The following AGO4 variants were observed in gnomAD, a reference collection of about 807,000 sequenced individuals.
AGO4 encodes the protein protein argonaute-4.
AGO4 carries 33 observed loss-of-function variants against 104.7 expected under a neutral mutation model. The observed-to-expected ratio is 0.32, with a 90% confidence interval of 0.24 to 0.42. AGO4 has a LOEUF of 0.42. Ranked by LOEUF, AGO4 falls within the 10% of genes least tolerant of loss-of-function variation. AGO4 has a pLI of 1.00. For synonymous variants in AGO4, 331 were observed against 364.7 expected, an observed-to-expected ratio of 0.91 and a Z score of 1.05; for missense variants, 711 against 1,083.4, an observed-to-expected ratio of 0.66 and a Z score of 4.83.
At chr1:35,831,651 G>A in intron 8 of AGO4, 77 bp downstream of exon 8, 2 of 1,547,608 alleles carry the variant, frequency 1.3e-6, no homozygotes, top group Non-Finnish European at 1.7e-6. Context: ...CTAAACTAGT[G>A]GTGAAATTTA....
In AGO4 at chr1:35,808,752, G is replaced by A. The variant is rs760038582; in HGVS notation, c.19+317G>A. Among the ~76,000 whole-genome samples, 1 of 152,198 alleles carries A rather than the reference G, an allele frequency of 6.6e-6. No homozygotes were observed. Among genetic ancestry groups the A allele is most frequent in the Non-Finnish European group, 1.5e-5 (1 of 68,028 alleles). On this transcript the variant is annotated intron_variant, in intron 1 of 17. Transcript: ENST00000373210. This position sits in a 1 kb window ranked among gnomAD's most constrained non-coding sequence, Gnocchi z 5.2. ...CCGGGGTCGCGACGAGGGTAGTTTG[G>A]GCCTCAGAAGGGGGCGATCCGCTAC...
rs5773512 is a variant in AGO4, at chr1:35,841,811, CATATATATATATATAT to C, written c.2175+73_2175+88del. 10 of 606,472 alleles carry C rather than the reference CATATATATATATATAT, an allele frequency of 1.6e-5. No individual in the cohort carries two copies. The highest frequency in any genetic ancestry group is 1.6e-4 in the East Asian group (4 of 25,602). 37.6% of individuals were successfully genotyped at this position (606,472 alleles called of 1,614,324 possible). On this transcript the variant is annotated intron_variant, in intron 15 of 17. Coordinates refer to ENST00000373210, the MANE Select transcript of AGO4 (RefSeq NM_017629.4). This position sits in a 1 kb window ranked among gnomAD's most constrained non-coding sequence, Gnocchi z 4.7. The stretch of plus-strand genomic sequence containing the variant: ...CTCTGGCAAGAGATGTATATATGCA[CATATATATATATATAT>C]ATATATATATACACCATTTTTATAC...
At position 35,831,919 on chromosome 1, in the gene AGO4, GA is replaced by G; in HGVS notation, c.1105del (p.Ile369SerfsTer5). On this transcript the variant is annotated frameshift_variant, in exon 9 of 18. Coordinates refer to ENST00000373210, the MANE Select transcript of AGO4 (RefSeq NM_017629.4). LOFTEE classifies it high-confidence loss of function. ...GATCTGCTCCTGACAGACAGGAAGA[GA>G]TCAGTAGACTGGTCAGTAAGGCATG... is the stretch of plus-strand genomic sequence containing the variant. ...ARSAPDRQEE[I>X]SRLVKSNSMV... The G allele has an allele frequency of 6.2e-7, 1 of 1,614,098 alleles. No individual in the cohort carries two copies. Among genetic ancestry groups the G allele is most frequent in the Non-Finnish European group, 8.5e-7 (1 of 1,179,992 alleles).
At chr1:35,814,103 GAA>G (rs931041027) in intron 1 of AGO4, among the ~76,000 whole-genome samples, 1 of 148,856 alleles carries the variant, frequency 6.7e-6, no homozygotes, top group African/African-American at 2.5e-5. Context: ...GAAAGAGAAA[GAA>G]GAGAGAGAGA....
intron 1 of AGO4, among the ~76,000 whole-genome samples, chr1:35,813,148 G>A (rs935115221): frequency 2.0e-4 from 30 of 151,868 alleles, no homozygotes; most frequent in African/African-American, 7.0e-4. Flanking sequence ...AGTGGCTCAC[G>A]CCTGTAATCC....
chr1:35,814,670 CT>C (rs1643633039), intron 1 of AGO4, among the ~76,000 whole-genome samples: 17 of 152,044 alleles, frequency 1.1e-4, no homozygotes, highest in Admixed American at 9.2e-4. Context: ...AGGACGGATC[CT>C]CTAGTCTGGG....
At chr1:35,813,005 A>G (rs1440845430) in intron 1 of AGO4, among the ~76,000 whole-genome samples, 1 of 152,192 alleles carries the variant, frequency 6.6e-6, no homozygotes, top group Non-Finnish European at 1.5e-5. Flanking sequence ...CACCTCTCAC[A>G]TTATTTACTA....
In AGO4 at chr1:35,841,567, G is replaced by A; in HGVS notation, c.2041-49G>A. 1 of 1,613,494 alleles carries A rather than the reference G, an allele frequency of 6.2e-7. No individual in the cohort carries two copies. The highest frequency in any genetic ancestry group is 2.2e-5 in the East Asian group (1 of 44,880). On this transcript the variant is annotated intron_variant, in intron 14 of 17. Transcript: ENST00000373210. The surrounding 1 kb of genome is among the most constrained non-coding windows in gnomAD (Gnocchi z 4.7). ...TCTACCATTCTGGGTAGATCTGAGA[G>A]ATACTAGGCAAATTCTCAATTAAAC...
intron 1 of AGO4, among the ~76,000 whole-genome samples, chr1:35,816,256 T>C (rs1643690440): frequency 6.6e-6 from 1 of 152,230 alleles, no homozygotes; most frequent in Admixed American, 6.5e-5. Context: ...TATAATTTTG[T>C]AAGTCTAGCT....
Position 35,831,859 on chromosome 1 carries a change from C to CAA in AGO4, c.1045_1046dup (p.Asn349LysfsTer7). 1 of 1,614,086 alleles carries CAA rather than the reference C, an allele frequency of 6.2e-7. No individual in the cohort carries two copies. The highest frequency in any genetic ancestry group is 8.5e-7 in the Non-Finnish European group (1 of 1,179,980). ...AGCGATGTATCAAGAAGCTCACAGA[C>CAA]AATCAGACTTCCACAATGATCAAAG... On this transcript the variant is annotated frameshift_variant, in exon 9 of 18. Coordinates refer to ENST00000373210, the MANE Select transcript of AGO4 (RefSeq NM_017629.4). LOFTEE classifies it high-confidence loss of function.
chr1:35,811,469 A>C (rs1422820479), intron 1 of AGO4, among the ~76,000 whole-genome samples: 1 of 149,562 alleles, frequency 6.7e-6, no homozygotes, highest in Admixed American at 6.6e-5. Context: ...CCAAAAAAAA[A>C]CAAAAAAAAA....
intron 15 of AGO4, among the ~76,000 whole-genome samples, chr1:35,846,023 G>A (rs1425619714): frequency 3.9e-5 from 6 of 152,176 alleles, no homozygotes; most frequent in Non-Finnish European, 7.3e-5. Context: ...GCCAAAGCAA[G>A]TCACCCCTGA....
At chr1:35,833,591 C>T (rs1644236529) in intron 11 of AGO4, among the ~76,000 whole-genome samples, 1 of 152,120 alleles carries the variant, frequency 6.6e-6, no homozygotes, top group Non-Finnish European at 1.5e-5. Context: ...CACAAGCTTA[C>T]CCAGCTATTT....
At chr1:35,815,957 T>C (rs983259323) in intron 1 of AGO4, among the ~76,000 whole-genome samples, 3 of 152,220 alleles carry the variant, frequency 2.0e-5, no homozygotes, top group African/African-American at 7.2e-5. Context: ...TTAGGCATGT[T>C]ATAACTGAAT....
intron 1 of AGO4, among the ~76,000 whole-genome samples, chr1:35,815,890 G>A (rs1643677850): frequency 6.6e-6 from 1 of 152,186 alleles, no homozygotes; most frequent in African/African-American, 2.4e-5. Context: ...CACTGGTCTA[G>A]ACTGTACATT....
At chr1:35,836,927 T>C (rs1050578412) in intron 13 of AGO4, among the ~76,000 whole-genome samples, 7 of 152,232 alleles carry the variant, frequency 4.6e-5, no homozygotes, top group Non-Finnish European at 1.0e-4. Flanking sequence ...TCTATATTCT[T>C]ACCAACACTT....
At position 35,816,890 on chromosome 1, in the gene AGO4, G is replaced by A; in HGVS notation, c.28G>A (p.Ala10Thr). 6.2e-7 allele frequency: 1 copy of A among 1,612,240 alleles called. No homozygotes were observed. Among genetic ancestry groups the A allele is most frequent in the African/African-American group, 1.3e-5 (1 of 74,780 alleles). Residue 10 changes from alanine (A) to threonine (T), a missense_variant, in exon 2 of 18, where the codon GCT (alanine) becomes ACT (threonine). Ala to Thr is a moderately conservative substitution (Grantham distance 58). Transcript: ENST00000373210. ...TCTTTCAATCTCTTTAGGACCTCCGGCTAGCCTGTTTCAGCCACCTCGTCG... is the reference window on the plus strand; with the variant it reads ...TCTTTCAATCTCTTTAGGACCTCCGACTAGCCTGTTTCAGCCACCTCGTCG... MEALGPGPP[A>T]SLFQPPRRPG...
At chr1:35,825,656 C>T (rs1424818101) in intron 4 of AGO4, 23 bp from the exon 5 acceptor site, 4 of 1,530,292 alleles carry the variant, frequency 2.6e-6, no homozygotes, top group Non-Finnish European at 3.5e-6. Flanking sequence ...TAATGTGACA[C>T]ATGCAAACTC....
chr1:35,837,757 AT>A (rs1644349448), intron 13 of AGO4, among the ~76,000 whole-genome samples: 3 of 152,144 alleles, frequency 2.0e-5, no homozygotes, highest in East Asian at 3.9e-4. Flanking sequence ...TTTTTCATTA[AT>A]TTGTAGTAGT....
Sources: allele counts gnomAD v4.1 joint callset (sites outside exome capture counted in the v4.1 genomes callset), GRCh38; gene constraint gnomAD v4.1.1; non-coding constraint Gnocchi (gnomAD v3.1); transcripts MANE v1.5; gene names NCBI Gene and HGNC (gene_info 2026-07-23, HGNC 2026-07-21).